PKHD1L1: variants seen among roughly 807,000 people sequenced by gnomAD.
PKHD1L1 encodes the protein fibrocystin-L.
In PKHD1L1, 434 loss-of-function variants were observed where a neutral mutation model predicts 462.9. That is an observed-to-expected ratio of 0.94 (90% confidence interval 0.87 to 1.02). The LOEUF (loss-of-function observed/expected upper bound fraction) is 1.02, where lower values mean the gene tolerates loss of function less well. Ranked by LOEUF, PKHD1L1 falls within the 50% of genes least tolerant of loss-of-function variation. PKHD1L1 has a pLI of 0.00. For missense variants in PKHD1L1, 5,202 were observed against 5,096.1 expected, an observed-to-expected ratio of 1.02 and a Z score of -0.63; for synonymous variants, 1,781 against 1,750.0, an observed-to-expected ratio of 1.02 and a Z score of -0.44.
intron 63 of PKHD1L1, among the ~76,000 whole-genome samples, chr8:109,494,443 ATTCAT>A (rs1818989599): frequency 6.6e-6 from 1 of 151,948 alleles, no homozygotes; most frequent in Non-Finnish European, 1.5e-5. Flanking sequence ...GAACAAGGTT[ATTCAT>A]CACAGCATTG....
chr8:109,381,312 G>A (rs769421645), intron 2 of PKHD1L1, 58 bp from the exon 3 acceptor site: 2 of 1,405,456 alleles, frequency 1.4e-6, no homozygotes, highest in Non-Finnish European at 2.0e-6. Context: ...GGTGACAAAT[G>A]TTAGGTCTCT....
At position 109,389,065 on chromosome 8, in the gene PKHD1L1, T is replaced by G; in HGVS notation, c.624-14T>G. The G allele has an allele frequency of 6.5e-7, 1 of 1,549,934 alleles. No homozygotes were observed. Among genetic ancestry groups the G allele is most frequent in the Non-Finnish European group, 8.8e-7 (1 of 1,132,760 alleles). On this transcript the variant is annotated splice_polypyrimidine_tract_variant and intron_variant, in intron 7 of 77. Transcript: ENST00000378402. ...TGTCTATATAAGCTTTGACATTAAC[T>G]TTTTTTTAATTAGATATGGTCTAAA...
intron 36 of PKHD1L1, 22 bp downstream of exon 36, chr8:109,443,138 ACT>A: frequency 1.2e-6 from 2 of 1,607,374 alleles, no homozygotes; most frequent in East Asian, 2.2e-5. Context: ...AAAGATGGAA[ACT>A]CTGTTACACA....
In PKHD1L1 at chr8:109,527,003, C is replaced by T. The variant is rs1321420220; in HGVS notation, c.12704C>T (p.Thr4235Ile). The change falls in exon 77 of 78, where the codon ACT (threonine) becomes ATT (isoleucine). Residue 4235 changes from threonine (T) to isoleucine (I), a missense_variant. Thr to Ile is a moderately conservative substitution (Grantham distance 89). Coordinates refer to ENST00000378402, the MANE Select transcript of PKHD1L1 (RefSeq NM_177531.6). ...GAAATATTTATGGCTGCAGTTTCAA[C>T]TTTGAATATAACTTTAAGTAAGTAC... ...LLEIFMAAVS[T>I]LNITLRSY 1.9e-6 allele frequency: 3 copies of T among 1,609,832 alleles called. No homozygotes were observed. Among genetic ancestry groups the T allele is most frequent in the Non-Finnish European group, 1.7e-6 (2 of 1,176,514 alleles).
Position 109,523,380 on chromosome 8 carries a change from A to G in PKHD1L1, c.12478A>G (p.Arg4160Gly), listed in dbSNP as rs1430707000. The G allele has an allele frequency of 2.3e-5, 37 of 1,611,410 alleles. No homozygotes were observed. Among genetic ancestry groups the G allele is most frequent in the Non-Finnish European group, 3.1e-5 (36 of 1,178,324 alleles). ...CAACTACACAGACCTTACTCCCCTT[A>G]GAACAGGTGGGTGCACTATTTTGGA... ...WANYTDLTPLRTGKNYKIEFI... is the reference protein window; with the variant it reads ...WANYTDLTPLGTGKNYKIEFI... The change falls in exon 76 of 78, where the codon AGA becomes GGA. Residue 4160 changes from arginine to glycine, a missense_variant. By Grantham distance (125) the Arg-to-Gly change is moderately radical. This residue lies in a region of PKHD1L1 where 698 missense variants were observed against 736.3 expected (regional missense o/e 0.95). Transcript: ENST00000378402.
chr8:109,470,840 G>A lies in PKHD1L1; in HGVS notation c.8605+4071G>A, dbSNP rs559656339. On this transcript the variant is annotated intron_variant, in intron 50 of 77. Transcript: ENST00000378402. ...GAAAAGGAAAACACACTAGTTACTT[G>A]GATAAGTTCTTTAGCAGGAAAGAAG... The A allele has an allele frequency of 7.2e-5, 109 of 1,506,776 alleles. No individual in the cohort carries two copies. The African/African-American group carries it at 1.2e-3, about 17-fold the overall frequency. The allele number at this position is 1,506,776 out of a possible 1,614,324, so 93.3% of individuals were successfully genotyped here.
rs755424994 is a variant in PKHD1L1 at position 109,443,038 on chromosome 8, A to C, written c.4486A>C (p.Ile1496Leu). 1.1e-5 allele frequency: 17 copies of C among 1,613,748 alleles called. No individual in the cohort carries two copies. The highest frequency in any genetic ancestry group is 1.4e-5 in the Non-Finnish European group (16 of 1,179,690). The change falls in exon 36 of 78, where the codon ATT (isoleucine) becomes CTT (leucine). Residue 1496 changes from isoleucine (I) to leucine (L), a missense_variant. By Grantham distance (5) the Ile-to-Leu change is conservative (BLOSUM62 2). Around this residue, in one of 3 missense-constraint regions of PKHD1L1, gnomAD observed 4,497 missense variants for 4,336.8 expected, o/e 1.04. Transcript: ENST00000378402. ...EAHSIFLQGVINVLPAETRHI... is the reference protein window; with the variant it reads ...EAHSIFLQGVLNVLPAETRHI... ...TCACTCCATTTTTCTCCAAGGAGTC[A>C]TTAATGTTTTACCAGCTGAAACCAG...
rs750949835 is a variant in PKHD1L1, at chr8:109,443,908, A to T, written c.4791+6A>T. Reference sequence around the variant, plus strand: ...ATCTCCCATGGGCTAATAAGGTAAGAATATAAATACCTCCTTTGTACTTCT... The same window carrying T: ...ATCTCCCATGGGCTAATAAGGTAAGTATATAAATACCTCCTTTGTACTTCT... On this transcript the variant is annotated splice_donor_region_variant and intron_variant, in intron 37 of 77. Coordinates refer to ENST00000378402, the MANE Select transcript of PKHD1L1 (RefSeq NM_177531.6). The T allele has an allele frequency of 6.3e-7, 1 of 1,576,676 alleles. No homozygotes were observed. Among genetic ancestry groups the T allele is most frequent in the Admixed American group, 1.7e-5 (1 of 59,088 alleles).
chr8:109,436,344 C>T lies in PKHD1L1; in HGVS notation c.3512C>T (p.Thr1171Ile), dbSNP rs766161337. Reference sequence around the variant, plus strand: ...GTTTGCTTTTCTTATGAAGGTGGTACTCTACTGACTTTATCTGGATTTGGC... The same window carrying T: ...GTTTGCTTTTCTTATGAAGGTGGTATTCTACTGACTTTATCTGGATTTGGC... ...WPDSGSIAGG[T>I]LLTLSGFGFN... Residue 1171 changes from threonine to isoleucine, a missense_variant, in exon 30 of 78, where the codon ACT becomes ATT. Transcript: ENST00000378402. The T allele has an allele frequency of 6.2e-7, 1 of 1,610,916 alleles. No individual in the cohort carries two copies. The highest frequency in any genetic ancestry group is 8.5e-7 in the Non-Finnish European group (1 of 1,179,102).
chr8:109,502,493 C>G (rs1819474204), intron 67 of PKHD1L1, among the ~76,000 whole-genome samples: 1 of 152,164 alleles, frequency 6.6e-6, no homozygotes, highest in Non-Finnish European at 1.5e-5. Flanking sequence ...GTGGCTCTTC[C>G]CACATATCTC....
At position 109,534,781 on chromosome 8, in the gene PKHD1L1, T is replaced by A. The variant is rs1256529081; in HGVS notation, c.*4691T>A. On this transcript the variant is annotated 3_prime_UTR_variant, in exon 78 of 78. Transcript: ENST00000378402. ...GTCTAACCAGCTACAAACCTCTTGT[T>A]GCCGTACTTGCAAGTCCTAATACAG... is the stretch of plus-strand genomic sequence containing the variant. Among the ~76,000 whole-genome samples, 1 of 152,234 alleles carries A rather than the reference T, an allele frequency of 6.6e-6. No homozygotes were observed. The highest frequency in any genetic ancestry group is 1.5e-5 in the Non-Finnish European group (1 of 68,046).
chr8:109,377,829 G>T (rs1030581659), intron 2 of PKHD1L1, among the ~76,000 whole-genome samples: 4 of 152,036 alleles, frequency 2.6e-5, no homozygotes, highest in Admixed American at 2.0e-4. Context: ...TATTTCTTGG[G>T]TTTATTCCAA....
At chr8:109,378,606 G>T (rs1359883028) in intron 2 of PKHD1L1, among the ~76,000 whole-genome samples, 1 of 152,090 alleles carries the variant, frequency 6.6e-6, no homozygotes, top group Non-Finnish European at 1.5e-5. Context: ...CATCTTCATG[G>T]TATCACCTCT....
At position 109,412,046 on chromosome 8, in the gene PKHD1L1, T is replaced by A. The variant is rs543255897; in HGVS notation, c.2086-219T>A. Among the ~76,000 whole-genome samples the A allele has an allele frequency of 3.2e-4, 49 of 152,026 alleles. 1 individual carries two copies. The South Asian group carries it at 0.01, about 32-fold the overall frequency. On this transcript the variant is annotated intron_variant, in intron 19 of 77. Coordinates refer to ENST00000378402, the MANE Select transcript of PKHD1L1 (RefSeq NM_177531.6). ...AGAGCTCACAAAGTAAGGAAAAAAA[T>A]CAAACTTGGGAACTAGTCAAATACT...
At chr8:109,380,419 C>A (rs1457292) in intron 2 of PKHD1L1, among the ~76,000 whole-genome samples, 45,211 of 152,018 alleles carry the variant, frequency 0.3, 7,304 homozygotes, top group Admixed American at 0.43. Flanking sequence ...GCAAATAGTT[C>A]CTTGTGTACT....
intron 12 of PKHD1L1, among the ~76,000 whole-genome samples, chr8:109,399,733 CATA>C (rs1263606737): frequency 3.9e-5 from 6 of 152,018 alleles, no homozygotes; most frequent in African/African-American, 1.4e-4. Flanking sequence ...TCAGTTATAT[CATA>C]ATAATTACTA....
At chr8:109,462,705 C>G (rs944154074) in intron 48 of PKHD1L1, among the ~76,000 whole-genome samples, 1 of 152,106 alleles carries the variant, frequency 6.6e-6, no homozygotes, top group African/African-American at 2.4e-5. Flanking sequence ...CCACACCCAG[C>G]TAATTTTTGT....
chr8:109,401,266 C>T (rs1432556059), intron 13 of PKHD1L1, among the ~76,000 whole-genome samples: 1 of 151,878 alleles, frequency 6.6e-6, no homozygotes, highest in Non-Finnish European at 1.5e-5. Flanking sequence ...ATACTTAGTA[C>T]AGTAGTGTTG....
intron 63 of PKHD1L1, among the ~76,000 whole-genome samples, chr8:109,496,601 A>T (rs1819098438): frequency 6.6e-6 from 1 of 152,220 alleles, no homozygotes; most frequent in South Asian, 2.1e-4. Flanking sequence ...AGTAAATACT[A>T]ATTAGAATAA....
Sources: allele counts gnomAD v4.1 joint callset (sites outside exome capture counted in the v4.1 genomes callset), GRCh38; gene constraint gnomAD v4.1.1; regional missense constraint gnomAD v4.1.1; transcripts MANE v1.5; gene names NCBI Gene and HGNC (gene_info 2026-07-23, HGNC 2026-07-21).